The following IGF2R variants were observed in gnomAD, a reference collection of about 807,000 sequenced individuals.
The protein encoded by IGF2R is cation-independent mannose-6-phosphate receptor.
IGF2R carries 91 observed loss-of-function variants against 270.6 expected under a neutral mutation model. That is an observed-to-expected ratio of 0.34 (90% CI 0.28 to 0.40). IGF2R has a LOEUF of 0.40. Ranked by LOEUF, IGF2R falls within the 10% of genes least tolerant of loss-of-function variation. The pLI, the probability that IGF2R is intolerant of heterozygous loss-of-function variation, is 1.00. For missense variants in IGF2R, 2,805 were observed against 3,188.3 expected (o/e 0.88, Z 2.90); for synonymous variants, 1,316 against 1,258.9 (o/e 1.05, Z -0.96).
At chr6:159,990,443 G>A (rs1355023519) in intron 1 of IGF2R, among the ~76,000 whole-genome samples, 1 of 152,156 alleles carries the variant, frequency 6.6e-6, no homozygotes, top group Admixed American at 6.5e-5. Context: ...GAAAAAGAAT[G>A]TGTTTGCTTC....
At position 160,004,146 on chromosome 6, in the gene IGF2R, G is replaced by T. The variant is rs767109171; in HGVS notation, c.290-4864G>T. 1 of 152,250 alleles carries T rather than the reference G, an allele frequency of 6.6e-6. No homozygotes were observed. The highest frequency in any genetic ancestry group is 1.5e-5 in the Non-Finnish European group (1 of 68,056). The allele number at this position is 152,250 out of a possible 1,614,324, so 9.4% of individuals were successfully genotyped here. ...GTATATGTTGAAGGAAACGCTAAGTGGGTGGTGCAGGGGAGAGAGGAAGAC... is the reference window on the plus strand; with the variant it reads ...GTATATGTTGAAGGAAACGCTAAGTTGGTGGTGCAGGGGAGAGAGGAAGAC... On this transcript the variant is annotated intron_variant, in intron 2 of 47. Coordinates refer to ENST00000356956, the MANE Select transcript of IGF2R (RefSeq NM_000876.4). This position sits in a 1 kb window ranked among gnomAD's most constrained non-coding sequence, Gnocchi z 5.2.
chr6:160,020,855 A>G (rs918456600), intron 4 of IGF2R, among the ~76,000 whole-genome samples: 1 of 152,256 alleles, frequency 6.6e-6, no homozygotes, highest in Non-Finnish European at 1.5e-5. Context: ...CCCAGAAGAA[A>G]ACCCAGGAAA....
chr6:160,074,050 C>T, intron 35 of IGF2R, 75 bp downstream of exon 35: 1 of 1,055,526 alleles, frequency 9.5e-7, no homozygotes. Flanking sequence ...TGTTTCTTGC[C>T]TTCAGTGGGG....
intron 4 of IGF2R, 87 bp from the exon 5 acceptor site, chr6:160,024,485 G>A (rs1202744403): frequency 1.6e-6 from 2 of 1,273,756 alleles, no homozygotes; most frequent in East Asian, 4.6e-5. Flanking sequence ...AAGGAATGGA[G>A]AGCAGTGTTG....
At position 159,969,118 on chromosome 6, in the gene IGF2R, C is replaced by T; in HGVS notation, c.-129C>T. On this transcript the variant is annotated 5_prime_UTR_variant, in exon 1 of 48. Transcript: ENST00000356956. The stretch of plus-strand genomic sequence containing the variant: ...TGTCGCCGAGCCCAGTCGAGCCGCG[C>T]TCACCTCGGGCTCCCGCTCCGTCTC... The T allele has an allele frequency of 2.2e-6, 1 of 447,068 alleles. No individual in the cohort carries two copies. Among genetic ancestry groups the T allele is most frequent in the Non-Finnish European group, 3.0e-6 (1 of 338,790 alleles). The allele number at this position is 447,068 out of a possible 1,614,324, so 27.7% of individuals were successfully genotyped here.
chr6:160,097,272 C>T (rs1779383313), intron 45 of IGF2R, among the ~76,000 whole-genome samples: 1 of 152,152 alleles, frequency 6.6e-6, no homozygotes, highest in Non-Finnish European at 1.5e-5. Context: ...CAGTTGCTTT[C>T]CTCTTGGATT....
chr6:159,980,236 A>AAAGAAGAAAGAAAGG (rs1554234699), intron 1 of IGF2R, among the ~76,000 whole-genome samples: 2 of 136,076 alleles, frequency 1.5e-5, no homozygotes, highest in Non-Finnish European at 3.1e-5. Flanking sequence ...AGAAAGAAAG[A>AAAGAAGAAAGAAAGG]AAGGTACATG....
At chr6:160,060,076 G>A (rs1309661998) in intron 22 of IGF2R, among the ~76,000 whole-genome samples, 1 of 152,194 alleles carries the variant, frequency 6.6e-6, no homozygotes, top group Non-Finnish European at 1.5e-5. Flanking sequence ...TCATCACATA[G>A]GCCACCATTG....
chr6:159,991,472 TA>T, intron 2 of IGF2R, 149 bp downstream of exon 2: 1 of 672,572 alleles, frequency 1.5e-6, no homozygotes. Flanking sequence ...ACACATTTGT[TA>T]GTAGTTAAAA....
At chr6:160,061,059 A>G (rs1180738262) in intron 23 of IGF2R, among the ~76,000 whole-genome samples, 2 of 152,188 alleles carry the variant, frequency 1.3e-5, no homozygotes, top group Non-Finnish European at 2.9e-5. Context: ...AAAAGATGTT[A>G]AACTCCCTAA....
intron 45 of IGF2R, among the ~76,000 whole-genome samples, chr6:160,098,200 A>G (rs1779408355): frequency 1.3e-5 from 2 of 152,092 alleles, no homozygotes; most frequent in African/African-American, 4.8e-5. Context: ...GATCCCGTCC[A>G]TGTTGAATGT....
At chr6:160,013,513 T>G (rs1784372217) in intron 4 of IGF2R, among the ~76,000 whole-genome samples, 2 of 152,208 alleles carry the variant, frequency 1.3e-5, no homozygotes, top group Non-Finnish European at 1.5e-5. Context: ...ACAATGACAT[T>G]TAATTTCTCT....
chr6:160,063,684 A>G (rs1778493306), intron 27 of IGF2R, 54 bp downstream of exon 27: 2 of 1,358,524 alleles, frequency 1.5e-6, no homozygotes, highest in Non-Finnish European at 2.1e-6. Flanking sequence ...TTAAAATATT[A>G]AAATATTTTG....
intron 4 of IGF2R, among the ~76,000 whole-genome samples, chr6:160,018,344 C>G (rs1394114863): frequency 6.6e-6 from 1 of 151,948 alleles, no homozygotes; most frequent in Non-Finnish European, 1.5e-5. Flanking sequence ...CTCTAGAGCA[C>G]AAGATTCATA....
In IGF2R at chr6:160,046,660, A is replaced by C. The variant is rs932258556; in HGVS notation, c.2051+15A>C. 2 of 1,609,364 alleles carry C rather than the reference A, an allele frequency of 1.2e-6. No individual in the cohort carries two copies. The highest frequency in any genetic ancestry group is 2.7e-5 in the African/African-American group (2 of 74,514). The stretch of plus-strand genomic sequence containing the variant: ...GTGGCAAAAAGGCAAGTAGCTTCTC[A>C]GTTCTGTTTCATTCTTAGGCATTAT... On this transcript the variant is annotated intron_variant, in intron 15 of 47. Coordinates refer to ENST00000356956, the MANE Select transcript of IGF2R (RefSeq NM_000876.4).
At chr6:160,035,045 G>C (rs1370437948) in intron 10 of IGF2R, among the ~76,000 whole-genome samples, 1 of 152,306 alleles carries the variant, frequency 6.6e-6, no homozygotes, top group African/African-American at 2.4e-5. Flanking sequence ...GAGTCACCAA[G>C]GCACTGGCAT....
At chr6:160,077,900 C>T (rs1396494146) in intron 36 of IGF2R, among the ~76,000 whole-genome samples, 1 of 152,220 alleles carries the variant, frequency 6.6e-6, no homozygotes, top group Non-Finnish European at 1.5e-5. Flanking sequence ...TCTCTCATGA[C>T]ATATAAGCCC....
chr6:160,103,668 G>A, intron 46 of IGF2R, 78 bp from the exon 47 acceptor site: 1 of 944,032 alleles, frequency 1.1e-6, no homozygotes, highest in South Asian at 1.3e-5. Flanking sequence ...TGCAGATGGG[G>A]GTGGGGCTGG....
chr6:160,009,041 T>G lies in IGF2R; in HGVS notation c.321T>G (p.Ser107=), dbSNP rs1784291180. The change falls in exon 3 of 48, where the codon TCT becomes TCG. Residue 107 remains serine, a synonymous_variant. Coordinates refer to ENST00000356956, the MANE Select transcript of IGF2R (RefSeq NM_000876.4). ...GDSVLRSATR[S]LLEFNTTVSC... ...CTGTTTTGAGAAGTGCAACCAGATC[T>G]CTCCTGGAATTCAACACAACAGTGA... is the stretch of plus-strand genomic sequence containing the variant. 3.1e-6 allele frequency: 5 copies of G among 1,613,818 alleles called. No homozygotes were observed. The highest frequency in any genetic ancestry group is 4.2e-6 in the Non-Finnish European group (5 of 1,179,844).
Sources: allele counts gnomAD v4.1 joint callset (sites outside exome capture counted in the v4.1 genomes callset), GRCh38; gene constraint gnomAD v4.1.1; non-coding constraint Gnocchi (gnomAD v3.1); transcripts MANE v1.5; gene names NCBI Gene and HGNC (gene_info 2026-07-23, HGNC 2026-07-21).